The following CNNM2 variants were observed in gnomAD, a reference collection of about 807,000 sequenced individuals.
CNNM2 encodes the protein metal transporter CNNM2.
In CNNM2, 12 loss-of-function variants were observed where a neutral mutation model predicts 66.9. That is an observed-to-expected ratio of 0.18 (90% confidence interval 0.11 to 0.29). The LOEUF is 0.29. Ranked by LOEUF, CNNM2 falls within the 10% of genes least tolerant of loss-of-function variation. The probability of loss-of-function intolerance (pLI) is 1.00; values close to 1 mark genes in which losing one functional copy is unlikely to be tolerated. For missense variants in CNNM2, 705 were observed against 1,167.7 expected (o/e 0.60, Z 5.77); for synonymous variants, 557 against 501.8 (o/e 1.11, Z -1.47).
intron 2 of CNNM2, among the ~76,000 whole-genome samples, chr10:103,051,610 C>T (rs879675315): frequency 7.2e-5 from 11 of 151,822 alleles, no homozygotes; most frequent in Non-Finnish European, 1.5e-4. Flanking sequence ...CATGGTGGCA[C>T]GCACCTGTGA....
chr10:102,964,526 G>T (rs1167370268), intron 1 of CNNM2, among the ~76,000 whole-genome samples: 1 of 152,164 alleles, frequency 6.6e-6, no homozygotes, highest in African/African-American at 2.4e-5. Flanking sequence ...ACTGCGCCTG[G>T]CTAGATATTC....
At chr10:102,939,416 T>G (rs771424186) in intron 1 of CNNM2, among the ~76,000 whole-genome samples, 10 of 152,352 alleles carry the variant, frequency 6.6e-5, no homozygotes, top group Non-Finnish European at 1.2e-4. Context: ...CTTCTTTTAT[T>G]GCCACATCTA....
chr10:102,932,503 A>G (rs1261723015), intron 1 of CNNM2, among the ~76,000 whole-genome samples: 1 of 152,122 alleles, frequency 6.6e-6, no homozygotes, highest in Non-Finnish European at 1.5e-5. Context: ...TTGAGTTTTT[A>G]TATATGGTGT....
At chr10:103,072,919 G>A (rs1021280336) in intron 6 of CNNM2, among the ~76,000 whole-genome samples, 1 of 152,226 alleles carries the variant, frequency 6.6e-6, no homozygotes, top group African/African-American at 2.4e-5. Context: ...GGTGGTGTAT[G>A]TAACATGGGG....
chr10:103,004,309 G>A (rs1345149372), intron 1 of CNNM2, among the ~76,000 whole-genome samples: 4 of 152,060 alleles, frequency 2.6e-5, no homozygotes, highest in South Asian at 4.2e-4. Flanking sequence ...GCCTCATTGC[G>A]TGATTATACC....
At chr10:102,981,019 C>T (rs1237068319) in intron 1 of CNNM2, among the ~76,000 whole-genome samples, 3 of 152,134 alleles carry the variant, frequency 2.0e-5, no homozygotes, top group South Asian at 2.1e-4. Context: ...TGGCTCTGTA[C>T]TGCTGTTGCC....
chr10:103,089,678 T>TTCCTCC lies in CNNM2; in HGVS notation c.*12510_*12515dup, dbSNP rs537259520. On this transcript the variant is annotated 3_prime_UTR_variant, in exon 8 of 8. Transcript: ENST00000369878. Reference sequence around the variant, plus strand: ...GGGGTTTTGGTTTTCCTCCTTATTCTTCCTCCTCCTCCTCCTCTTCATCAT... The same window carrying TTCCTCC: ...GGGGTTTTGGTTTTCCTCCTTATTCTTCCTCCTCCTCCTCCTCCTCCTCTTCATCAT... 9.6e-6 allele frequency: 15 copies of TTCCTCC among 1,559,910 alleles called. No homozygotes were observed. The African/African-American group carries it at 1.8e-4, about 18-fold the overall frequency.
At chr10:103,057,072 G>A (rs2065307335) in intron 4 of CNNM2, 108 bp downstream of exon 4, 2 of 1,098,392 alleles carry the variant, frequency 1.8e-6, no homozygotes, top group South Asian at 1.6e-5. Flanking sequence ...TCTATAGGGG[G>A]TAGCCTTAGA....
intron 1 of CNNM2, among the ~76,000 whole-genome samples, chr10:102,971,954 CT>C (rs2063553105): frequency 6.6e-6 from 1 of 151,982 alleles, no homozygotes; most frequent in Non-Finnish European, 1.5e-5. Context: ...GCTTATTTTT[CT>C]TTGGGTTGTT....
Position 103,083,070 on chromosome 10 carries a change from C to CT in CNNM2, c.*5890_*5891insT, listed in dbSNP as rs1228795413. 1 of 152,206 alleles carries CT rather than the reference C, an allele frequency of 6.6e-6. No individual in the cohort carries two copies. The highest frequency in any genetic ancestry group is 1.5e-5 in the Non-Finnish European group (1 of 68,026). 9.4% of individuals were successfully genotyped at this position (152,206 alleles called of 1,614,324 possible). A position where few individuals can be genotyped will look rare whatever the true frequency, so the allele number is the denominator to read the frequency against. On this transcript the variant is annotated 3_prime_UTR_variant, in exon 8 of 8. Coordinates refer to ENST00000369878, the MANE Select transcript of CNNM2 (RefSeq NM_017649.5). ...CCAGTGCCAACATTGCCTTGGCCCTCAAGTAAGACCCTGCTTTGTGTCTGA... is the reference window on the plus strand; with the variant it reads ...CCAGTGCCAACATTGCCTTGGCCCTCTAAGTAAGACCCTGCTTTGTGTCTGA...
Position 102,969,886 on chromosome 10 carries a change from G to A in CNNM2, c.1621+49785G>A, listed in dbSNP as rs539760994. ...TCAAGCTCCTGACCTCAGGTGATCC[G>A]CCCACCTCGGCCTCCCAAAGTGCTG... On this transcript the variant is annotated intron_variant, in intron 1 of 7. Coordinates refer to ENST00000369878, the MANE Select transcript of CNNM2 (RefSeq NM_017649.5). Among the ~76,000 whole-genome samples the A allele has an allele frequency of 3.9e-5, 6 of 152,000 alleles. No homozygotes were observed. The highest frequency in any genetic ancestry group is 2.6e-4 in the Admixed American group (4 of 15,270).
rs1244653844 is a variant in CNNM2 at position 103,089,767 on chromosome 10, T to C, written c.*12587T>C. On this transcript the variant is annotated 3_prime_UTR_variant, in exon 8 of 8. Transcript: ENST00000369878. ...AGTGGGAAGAGGTTGGGAGGTTTAA[T>C]CTCACTAATTGACCGTGTCAGCTGG... 3 of 1,613,936 alleles carry C rather than the reference T, an allele frequency of 1.9e-6. No homozygotes were observed. The highest frequency in any genetic ancestry group is 1.7e-5 in the Admixed American group (1 of 59,992).
intron 2 of CNNM2, among the ~76,000 whole-genome samples, chr10:103,051,362 C>T (rs773175090): frequency 2.6e-5 from 4 of 151,944 alleles, no homozygotes; most frequent in Non-Finnish European, 4.4e-5. Flanking sequence ...ACCCGGGAGG[C>T]GGAGGTTGCA....
At chr10:102,972,932 C>A (rs1398500161) in intron 1 of CNNM2, among the ~76,000 whole-genome samples, 1 of 152,136 alleles carries the variant, frequency 6.6e-6, no homozygotes, top group East Asian at 1.9e-4. Flanking sequence ...TTGTGTTAAA[C>A]CACAAGCTAT....
rs929044222 is a variant in CNNM2 at position 103,054,938 on chromosome 10, A to G, written c.1903+472A>G. ...TGGTAACACAGGGGCTGTGATTTGCAAAGAAGAAAACTAGGTTTTCACAAT... is the reference window on the plus strand; with the variant it reads ...TGGTAACACAGGGGCTGTGATTTGCGAAGAAGAAAACTAGGTTTTCACAAT... On this transcript the variant is annotated intron_variant, in intron 3 of 7. Transcript: ENST00000369878. The surrounding 1 kb of genome is among the most constrained non-coding windows in gnomAD (Gnocchi z 5.2). Among the ~76,000 whole-genome samples, 1 of 152,238 alleles carries G rather than the reference A, an allele frequency of 6.6e-6. No individual in the cohort carries two copies. The highest frequency in any genetic ancestry group is 1.5e-5 in the Non-Finnish European group (1 of 68,034).
At chr10:102,953,680 C>G (rs561639273) in intron 1 of CNNM2, among the ~76,000 whole-genome samples, 8 of 152,192 alleles carry the variant, frequency 5.3e-5, no homozygotes, top group Admixed American at 5.2e-4. Flanking sequence ...CCACCTCAGC[C>G]TGCTGAGTAG....
In CNNM2 at chr10:103,089,770, C is replaced by T. The variant is rs373910623; in HGVS notation, c.*12590C>T. On this transcript the variant is annotated 3_prime_UTR_variant, in exon 8 of 8. Coordinates refer to ENST00000369878, the MANE Select transcript of CNNM2 (RefSeq NM_017649.5). ...GGGAAGAGGTTGGGAGGTTTAATCT[C>T]ACTAATTGACCGTGTCAGCTGGTGC... The T allele has an allele frequency of 6.2e-7, 1 of 1,613,890 alleles. No homozygotes were observed.
At chr10:102,977,140 G>A (rs561953321) in intron 1 of CNNM2, among the ~76,000 whole-genome samples, 25 of 152,318 alleles carry the variant, frequency 1.6e-4, no homozygotes, top group Non-Finnish European at 2.6e-4. Context: ...TGACTGCAGA[G>A]TGGAAAGCAT....
rs75533799 is a variant in CNNM2 at position 102,973,518 on chromosome 10, G to T, written c.1621+53417G>T. ...GCTAATTTTCTGTGTGTGTGTGTGT[G>T]TTTTTTTTTTTTTTGGTAGAGACAA... On this transcript the variant is annotated intron_variant, in intron 1 of 7. Coordinates refer to ENST00000369878, the MANE Select transcript of CNNM2 (RefSeq NM_017649.5). 3.7e-3 allele frequency among the ~76,000 whole-genome samples: 513 copies of T among 140,174 alleles called. 2 individuals are homozygous for T. The highest frequency in any genetic ancestry group is 6.2e-3 in the Admixed American group (87 of 13,984). 92.0% of individuals were successfully genotyped at this position (140,174 alleles called of 152,430 possible).
Sources: gnomAD v4.1 joint callset for allele counts (sites outside exome capture counted in the v4.1 genomes callset) on GRCh38, gnomAD v4.1.1 for gene constraint, Gnocchi (gnomAD v3.1) non-coding constraint, MANE v1.5 for transcripts, NCBI Gene and HGNC (gene_info 2026-07-23, HGNC 2026-07-21) for gene names.